Variants in RRAGD observed in about 807,000 individuals in gnomAD.
RRAGD encodes the protein Ras related GTP binding D.
Under a neutral mutation model 35.5 loss-of-function variants are expected in RRAGD, and 12 were observed. The observed-to-expected ratio is 0.34, with a 90% CI of 0.22 to 0.55. The LOEUF (loss-of-function observed/expected upper bound fraction) is 0.55, where lower values mean the gene tolerates loss of function less well. RRAGD is among the 20% of genes least tolerant of loss of function. RRAGD has a pLI of 0.91. For synonymous variants in RRAGD, 155 were observed against 178.9 expected (o/e 0.87, Z 1.07); for missense variants, 324 against 490.1 (o/e 0.66, Z 3.20).
chr6:89,405,744 C>T (rs1582525852), intron 1 of RRAGD, among the ~76,000 whole-genome samples: 1 of 152,176 alleles, frequency 6.6e-6, no homozygotes, highest in Admixed American at 6.5e-5. Flanking sequence ...AATCAACAAA[C>T]GCTTAAGCGT....
intron 1 of RRAGD, 121 bp from the exon 2 acceptor site, chr6:89,387,711 T>TG: frequency 3.1e-6 from 3 of 967,746 alleles, no homozygotes; most frequent in Non-Finnish European, 4.7e-6. Context: ...TTCCAAAGAG[T>TG]GCTAACTACA....
chr6:89,394,404 G>C (rs1769293985), intron 1 of RRAGD, among the ~76,000 whole-genome samples: 1 of 152,066 alleles, frequency 6.6e-6, no homozygotes, highest in African/African-American at 2.4e-5. Flanking sequence ...ACACAGATAT[G>C]AGAAGACAAC....
intron 2 of RRAGD, 35 bp downstream of exon 2, chr6:89,387,260 C>G: frequency 6.3e-7 from 1 of 1,594,884 alleles, no homozygotes; most frequent in Non-Finnish European, 8.6e-7. Context: ...AGGGGACCGG[C>G]CAGGCCATCA....
At chr6:89,391,956 CAAAA>C (rs5878093) in intron 1 of RRAGD, among the ~76,000 whole-genome samples, 5 of 99,156 alleles carry the variant, frequency 5.0e-5, no homozygotes, top group Non-Finnish European at 9.8e-5. Flanking sequence ...GACCCTATCT[CAAAA>C]AAAAAAAAAA....
At chr6:89,386,362 C>A (rs1314800264) in intron 2 of RRAGD, among the ~76,000 whole-genome samples, 1 of 152,116 alleles carries the variant, frequency 6.6e-6, no homozygotes, top group Non-Finnish European at 1.5e-5. Context: ...AGCAGAAAAG[C>A]CTCAGGATGT....
At chr6:89,383,483 T>C (rs957700533) in intron 2 of RRAGD, among the ~76,000 whole-genome samples, 5 of 152,188 alleles carry the variant, frequency 3.3e-5, no homozygotes, top group Non-Finnish European at 2.9e-5. Flanking sequence ...CAAATAAAAA[T>C]TAAGGTAAAA....
At chr6:89,383,042 G>A (rs1382077544) in intron 2 of RRAGD, among the ~76,000 whole-genome samples, 1 of 152,226 alleles carries the variant, frequency 6.6e-6, no homozygotes, top group African/African-American at 2.4e-5. Context: ...CTGGGGCTGA[G>A]TGTTTCAGGG....
chr6:89,383,590 T>C (rs898946001), intron 2 of RRAGD, among the ~76,000 whole-genome samples: 14 of 152,218 alleles, frequency 9.2e-5, no homozygotes, highest in East Asian at 1.9e-4. Flanking sequence ...TTTGGATCCA[T>C]AGCACATGTG....
rs1346997821 is a variant in RRAGD at position 89,365,505 on chromosome 6, C to G, written c.*2551G>C. 6.6e-6 allele frequency: 1 copy of G among 152,200 alleles called. No homozygotes were observed. Among genetic ancestry groups the G allele is most frequent in the Non-Finnish European group, 1.5e-5 (1 of 68,046 alleles). 9.4% of individuals were successfully genotyped at this position (152,200 alleles called of 1,614,324 possible). ...AATACAATGCAAAATGACTTGAAGA[C>G]ATTTCCAATAACACAGATTTGAAAA... On this transcript the variant is annotated 3_prime_UTR_variant, in exon 7 of 7. Transcript: ENST00000369415.
At chr6:89,372,270 G>C (rs991260121) in intron 6 of RRAGD, among the ~76,000 whole-genome samples, 167 bp downstream of exon 6, 24 of 152,200 alleles carry the variant, frequency 1.6e-4, no homozygotes, top group African/African-American at 5.6e-4. Context: ...GCTGACACTG[G>C]GGGCAGGAGC....
chr6:89,374,591 G>A lies in RRAGD; in HGVS notation c.903-2006C>T, dbSNP rs142518824. Among the ~76,000 whole-genome samples, 510 of 152,154 alleles carry A rather than the reference G, an allele frequency of 3.4e-3. 3 individuals are homozygous for A. Among genetic ancestry groups the A allele is most frequent in the Middle Eastern group, 6.8e-3 (2 of 294 alleles). On this transcript the variant is annotated intron_variant, in intron 5 of 6. Coordinates refer to ENST00000369415, the MANE Select transcript of RRAGD (RefSeq NM_021244.5). ...ACTAAAAATACAAAATTAGCTAGGCGTGGTAGTGCATGCCTGTAATCCCAG... is the reference window on the plus strand; with the variant it reads ...ACTAAAAATACAAAATTAGCTAGGCATGGTAGTGCATGCCTGTAATCCCAG...
intron 1 of RRAGD, among the ~76,000 whole-genome samples, chr6:89,404,884 A>C (rs996539082): frequency 6.6e-6 from 1 of 152,202 alleles, no homozygotes; most frequent in Non-Finnish European, 1.5e-5. Context: ...ACAGCTCTTA[A>C]GGTTGGCCCT....
intron 6 of RRAGD, among the ~76,000 whole-genome samples, chr6:89,368,690 G>C (rs561644183): frequency 6.6e-6 from 1 of 152,106 alleles, no homozygotes; most frequent in African/African-American, 2.4e-5. Flanking sequence ...TCATAAGCCC[G>C]AGGGAAAGCG....
At chr6:89,404,905 G>A (rs944684577) in intron 1 of RRAGD, among the ~76,000 whole-genome samples, 1 of 152,172 alleles carries the variant, frequency 6.6e-6, no homozygotes, top group Non-Finnish European at 1.5e-5. Context: ...GCCATCCTAA[G>A]CTCAAGGATC....
chr6:89,394,285 A>C (rs1183266944), intron 1 of RRAGD, among the ~76,000 whole-genome samples: 1 of 152,174 alleles, frequency 6.6e-6, no homozygotes, highest in Non-Finnish European at 1.5e-5. Context: ...TATAGGAACA[A>C]AAAGAGAAGT....
At position 89,411,995 on chromosome 6, in the gene RRAGD, G is replaced by C. The variant is rs1355813358; in HGVS notation, c.-2C>G. On this transcript the variant is annotated 5_prime_UTR_variant, in exon 1 of 7. Coordinates refer to ENST00000369415, the MANE Select transcript of RRAGD (RefSeq NM_021244.5). The surrounding 1 kb of genome is among the most constrained non-coding windows in gnomAD (Gnocchi z 5.6). ...CGGCTTCCCCAGCACCTGGCTCATC[G>C]TGCCCACCGGCCGGCCGGCCCGGGG... is the stretch of plus-strand genomic sequence containing the variant. The C allele has an allele frequency of 6.5e-7, 1 of 1,527,616 alleles. No homozygotes were observed. Among genetic ancestry groups the C allele is most frequent in the Admixed American group, 2.0e-5 (1 of 50,372 alleles). 94.6% of individuals were successfully genotyped at this position (1,527,616 alleles called of 1,614,324 possible). A position where few individuals can be genotyped will look rare whatever the true frequency, so the allele number is the denominator to read the frequency against.
chr6:89,380,496 C>T (rs1562449536), intron 2 of RRAGD, 129 bp from the exon 3 acceptor site: 1 of 699,764 alleles, frequency 1.4e-6, no homozygotes, highest in Non-Finnish European at 2.4e-6. Context: ...CCTCAACAAG[C>T]TGGCTTCTTA....
intron 2 of RRAGD, among the ~76,000 whole-genome samples, chr6:89,383,167 TAAAA>T (rs1277224391): frequency 6.6e-6 from 1 of 152,224 alleles, no homozygotes; most frequent in Non-Finnish European, 1.5e-5. Flanking sequence ...ACTGTACACT[TAAAA>T]TGAATGCATT....
At chr6:89,371,600 T>A (rs1464611910) in intron 6 of RRAGD, among the ~76,000 whole-genome samples, 4 of 152,220 alleles carry the variant, frequency 2.6e-5, no homozygotes, top group Non-Finnish European at 5.9e-5. Context: ...TTTCAAAGCA[T>A]TTTTAATTTA....
Sources: gnomAD v4.1 joint callset for allele counts (sites outside exome capture counted in the v4.1 genomes callset) on GRCh38, gnomAD v4.1.1 for gene constraint, Gnocchi (gnomAD v3.1) non-coding constraint, MANE v1.5 for transcripts, NCBI Gene and HGNC (gene_info 2026-07-23, HGNC 2026-07-21) for gene names.